Variants in ITPRID1 observed in about 807,000 individuals in gnomAD.
ITPRID1 encodes ITPR interacting domain containing 1.
Under a neutral mutation model 95.4 loss-of-function variants are expected in ITPRID1, and 96 were observed. The ratio of observed to expected loss-of-function variants is 1.01; its 90% CI spans 0.85 to 1.19. The LOEUF (loss-of-function observed/expected upper bound fraction) is 1.19, where lower values mean the gene tolerates loss of function less well. Among genes scored for constraint, ITPRID1 ranks in the 50% most tolerant of loss-of-function variants. The probability of loss-of-function intolerance (pLI) is 0.00; values close to 1 mark genes in which losing one functional copy is unlikely to be tolerated. For synonymous variants in ITPRID1, 510 were observed against 453.6 expected, an observed-to-expected ratio of 1.12 and a Z score of -1.58; for missense variants, 1,339 against 1,252.9, an observed-to-expected ratio of 1.07 and a Z score of -1.04.
chr7:31,611,837 T>C (rs1318289046), intron 10 of ITPRID1, among the ~76,000 whole-genome samples: 10 of 152,032 alleles, frequency 6.6e-5, no homozygotes, highest in Admixed American at 5.2e-4. Flanking sequence ...TGTATTTCTC[T>C]GAGTTTTTCC....
chr7:31,578,200 A>T lies in ITPRID1; in HGVS notation c.936A>T (p.Ser312=). 1 of 1,613,784 alleles carries T rather than the reference A, an allele frequency of 6.2e-7. No homozygotes were observed. Among genetic ancestry groups the T allele is most frequent in the Non-Finnish European group, 8.5e-7 (1 of 1,179,774 alleles). Residue 312 remains serine, a synonymous_variant, in exon 9 of 15, where the codon TCA becomes TCT. Coordinates refer to ENST00000615280, the MANE Select transcript of ITPRID1 (RefSeq NM_001257967.3). ...ACAAGCAAAATCATTTGTCTCTGTC[A>T]GTAGAACATCAGTCTCTCCAAGCCT... is the stretch of plus-strand genomic sequence containing the variant. ...INHKQNHLSL[S]VEHQSLQACD... is the part of the protein sequence containing the mutation.
chr7:31,642,334 C>A, intron 11 of ITPRID1, 76 bp downstream of exon 11: 1 of 979,106 alleles, frequency 1.0e-6, no homozygotes, highest in Non-Finnish European at 1.5e-6. Context: ...GGCTGCCACC[C>A]AAACCTCACT....
At chr7:31,557,889 C>G (rs1784503192) in intron 5 of ITPRID1, among the ~76,000 whole-genome samples, 1 of 152,132 alleles carries the variant, frequency 6.6e-6, no homozygotes, top group Non-Finnish European at 1.5e-5. Context: ...CGTGGAAACC[C>G]CTGGAAGGAA....
intron 10 of ITPRID1, among the ~76,000 whole-genome samples, chr7:31,636,888 C>T (rs1293803883): frequency 2.6e-5 from 3 of 113,700 alleles, no homozygotes; most frequent in Non-Finnish European, 5.3e-5. Flanking sequence ...CTCCCCCCTC[C>T]CCCCACCCGA....
At chr7:31,573,002 T>C (rs1338156077) in intron 7 of ITPRID1, among the ~76,000 whole-genome samples, 1 of 152,186 alleles carries the variant, frequency 6.6e-6, no homozygotes, top group African/African-American at 2.4e-5. Flanking sequence ...ACTTTAGATT[T>C]CTCACCAGAA....
At chr7:31,561,654 G>C (rs1784626743) in intron 5 of ITPRID1, among the ~76,000 whole-genome samples, 1 of 152,130 alleles carries the variant, frequency 6.6e-6, no homozygotes, top group African/African-American at 2.4e-5. Context: ...TCTGTCTTCT[G>C]GCAAATGTTA....
intron 10 of ITPRID1, among the ~76,000 whole-genome samples, chr7:31,609,932 T>C (rs2128164116): frequency 6.6e-6 from 1 of 151,660 alleles, no homozygotes; most frequent in Admixed American, 6.6e-5. Context: ...AAAATTCCCC[T>C]CAAAGCCTGC....
intron 10 of ITPRID1, among the ~76,000 whole-genome samples, chr7:31,616,582 T>C (rs142215828): frequency 6.6e-6 from 1 of 152,232 alleles, no homozygotes; most frequent in Non-Finnish European, 1.5e-5. Context: ...ATTTTTTTCA[T>C]CATCTCATTG....
At position 31,578,365 on chromosome 7, in the gene ITPRID1, T is replaced by G. The variant is rs1236735687; in HGVS notation, c.1101T>G (p.Phe367Leu). ...GCAGAACTCAGAAGGAGAACTTATT[T>G]CAGACTAACAAGCTCAAGAGCTTGT... ...VKGRTQKENL[F>L]QTNKLKSLSH... The change falls in exon 9 of 15, where the codon TTT (phenylalanine) becomes TTG (leucine). Residue 367 changes from phenylalanine (F) to leucine (L), a missense_variant. Transcript: ENST00000615280. 6.2e-7 allele frequency: 1 copy of G among 1,613,690 alleles called. No individual in the cohort carries two copies. Among genetic ancestry groups the G allele is most frequent in the South Asian group, 1.1e-5 (1 of 91,072 alleles).
intron 12 of ITPRID1, among the ~76,000 whole-genome samples, chr7:31,647,230 A>G (rs930961819): frequency 6.6e-6 from 1 of 152,240 alleles, no homozygotes; most frequent in African/African-American, 2.4e-5. Context: ...GTAAGGCCTG[A>G]AAACTGTTCT....
chr7:31,555,376 A>G (rs1784413862), intron 5 of ITPRID1: 1 of 152,756 alleles, frequency 6.5e-6, no homozygotes, highest in Admixed American at 6.5e-5. Context: ...TCTGAAGGAG[A>G]AAATGTATCA....
At chr7:31,624,965 C>G (rs376252103) in intron 10 of ITPRID1, among the ~76,000 whole-genome samples, 1 of 152,114 alleles carries the variant, frequency 6.6e-6, no homozygotes, top group Non-Finnish European at 1.5e-5. Flanking sequence ...GGGCAAAGGA[C>G]ATGAATAGAC....
chr7:31,605,273 T>C (rs972235795), intron 10 of ITPRID1, among the ~76,000 whole-genome samples: 1 of 152,214 alleles, frequency 6.6e-6, no homozygotes, highest in African/African-American at 2.4e-5. Context: ...AAAGCTGATG[T>C]ATTTCAGGTG....
At position 31,642,786 on chromosome 7, in the gene ITPRID1, G is replaced by C. The variant is rs146986060; in HGVS notation, c.1416G>C (p.Ser472=). 1.2e-6 allele frequency: 2 copies of C among 1,613,958 alleles called. No individual in the cohort carries two copies. The highest frequency in any genetic ancestry group is 1.7e-6 in the Non-Finnish European group (2 of 1,179,878). ...LVSSQDCQLE[S]DGPDSKSRAS... ...CATCCCAGGACTGTCAGCTAGAGTC[G>C]GATGGGCCAGATTCCAAAAGTAGGG... Residue 472 remains serine, a synonymous_variant, in exon 12 of 15, where the codon TCG becomes TCC. Coordinates refer to ENST00000615280, the MANE Select transcript of ITPRID1 (RefSeq NM_001257967.3).
chr7:31,548,782 A>G (rs1338337600), intron 1 of ITPRID1, among the ~76,000 whole-genome samples: 1 of 152,070 alleles, frequency 6.6e-6, no homozygotes, highest in African/African-American at 2.4e-5. Context: ...TATGAGTGGT[A>G]CTGAGGTTTG....
At chr7:31,608,269 G>A (rs1323674694) in intron 10 of ITPRID1, among the ~76,000 whole-genome samples, 3 of 151,824 alleles carry the variant, frequency 2.0e-5, no homozygotes, top group Non-Finnish European at 4.4e-5. Flanking sequence ...TTGTACCTTT[G>A]TAGTAAGTTT....
intron 1 of ITPRID1, among the ~76,000 whole-genome samples, chr7:31,528,050 C>A (rs969072143): frequency 1.5e-4 from 23 of 152,116 alleles, no homozygotes; most frequent in African/African-American, 4.8e-4. Context: ...ATGATGCACA[C>A]ATCATTATTC....
intron 6 of ITPRID1, 101 bp from the exon 7 acceptor site, chr7:31,572,001 G>A (rs1785006376): frequency 2.7e-6 from 2 of 737,920 alleles, no homozygotes. Flanking sequence ...GAGACTAAGA[G>A]GAAATGCAAA....
At chr7:31,612,522 T>A (rs1786920379) in intron 10 of ITPRID1, among the ~76,000 whole-genome samples, 1 of 152,156 alleles carries the variant, frequency 6.6e-6, no homozygotes, top group Non-Finnish European at 1.5e-5. Flanking sequence ...GTTTGTTTGT[T>A]TTAAAGAGAC....
Sources: gnomAD v4.1 joint callset for allele counts (sites outside exome capture counted in the v4.1 genomes callset) on GRCh38, gnomAD v4.1.1 for gene constraint, MANE v1.5 for transcripts, NCBI Gene and HGNC (gene_info 2026-07-23, HGNC 2026-07-21) for gene names.